Variants in EYS observed in about 807,000 individuals in gnomAD.
EYS encodes protein eyes shut homolog.
EYS carries 250 observed loss-of-function variants against 282.1 expected under a neutral mutation model. That is an observed-to-expected ratio of 0.89 (90% CI 0.80 to 0.98). EYS has a LOEUF of 0.98. Ranked by LOEUF, EYS falls within the 50% of genes least tolerant of loss-of-function variation. The probability of loss-of-function intolerance (pLI) is 0.00; values close to 1 mark genes in which losing one functional copy is unlikely to be tolerated. For synonymous variants in EYS, 1,355 were observed against 1,282.9 expected (o/e 1.06, Z -1.20); for missense variants, 4,016 against 3,709.0 (o/e 1.08, Z -2.15).
At chr6:63,760,870 G>A (rs1418962565) in intron 41 of EYS, among the ~76,000 whole-genome samples, 1 of 151,656 alleles carries the variant, frequency 6.6e-6, no homozygotes, top group East Asian at 1.9e-4. Flanking sequence ...AAATTCACTA[G>A]CCCTTACGTT....
At chr6:65,078,379 T>C (rs1774121857) in intron 12 of EYS, among the ~76,000 whole-genome samples, 1 of 152,128 alleles carries the variant, frequency 6.6e-6, no homozygotes, top group African/African-American at 2.4e-5. Context: ...AGTTCAATTG[T>C]CAATTGAGGA....
chr6:64,752,001 A>T (rs912124388), intron 22 of EYS, among the ~76,000 whole-genome samples: 3 of 152,178 alleles, frequency 2.0e-5, no homozygotes, highest in Non-Finnish European at 4.4e-5. Context: ...GAAAAAAATT[A>T]AAAATAAGAA....
chr6:65,107,211 T>G (rs930452754), intron 12 of EYS, among the ~76,000 whole-genome samples: 3 of 151,984 alleles, frequency 2.0e-5, no homozygotes, highest in Admixed American at 6.6e-5. Context: ...ATCCTTAATT[T>G]TACCTTCGTC....
At chr6:65,606,232 C>G (rs567632315) in intron 2 of EYS, among the ~76,000 whole-genome samples, 9 of 151,488 alleles carry the variant, frequency 5.9e-5, no homozygotes, top group Non-Finnish European at 7.4e-5. Flanking sequence ...TATGTTTAAC[C>G]ACTCTAAATG....
intron 26 of EYS, among the ~76,000 whole-genome samples, chr6:64,461,492 T>A (rs564863406): frequency 9.2e-5 from 14 of 152,118 alleles, no homozygotes; most frequent in Admixed American, 6.6e-4. Flanking sequence ...CTAGCAGGGG[T>A]TTATATATGG....
intron 25 of EYS, among the ~76,000 whole-genome samples, chr6:64,592,649 G>T (rs963555061): frequency 6.6e-6 from 1 of 152,072 alleles, no homozygotes; most frequent in African/African-American, 2.4e-5. Flanking sequence ...GATTTAGAAA[G>T]TTAAAGAATT....
chr6:64,346,580 A>G (rs1771407572), intron 29 of EYS, among the ~76,000 whole-genome samples: 3 of 151,840 alleles, frequency 2.0e-5, no homozygotes, highest in Admixed American at 2.0e-4. Context: ...GAGGGATAGC[A>G]TTAGGAGATA....
At chr6:63,930,764 GT>G in intron 35 of EYS, among the ~76,000 whole-genome samples, 1 of 152,226 alleles carries the variant, frequency 6.6e-6, no homozygotes, top group South Asian at 2.1e-4. Flanking sequence ...CTGCAGGAAA[GT>G]GGTGAGTGTT....
At chr6:65,507,090 T>A (rs1408018651) in intron 2 of EYS, among the ~76,000 whole-genome samples, 1 of 152,080 alleles carries the variant, frequency 6.6e-6, no homozygotes, top group Non-Finnish European at 1.5e-5. Flanking sequence ...TCTCCCTTTT[T>A]CAATATCGTT....
chr6:64,010,385 T>TGG (rs1562148450), intron 33 of EYS, among the ~76,000 whole-genome samples: 2 of 102,900 alleles, frequency 1.9e-5, no homozygotes, highest in East Asian at 3.2e-4. Flanking sequence ...GCTGTGTGTG[T>TGG]GTTTGGTTGG....
At chr6:64,678,573 G>A (rs191988975) in intron 22 of EYS, among the ~76,000 whole-genome samples, 199 of 152,042 alleles carry the variant, frequency 1.3e-3, no homozygotes, top group Middle Eastern at 3.4e-3. Flanking sequence ...GCGAGACTCC[G>A]TCTTAAAAAC....
rs556828434 is a variant in EYS, at chr6:65,022,934, A to G, written c.2138-25231T>C. Among the ~76,000 whole-genome samples the G allele has an allele frequency of 3.3e-5, 5 of 152,090 alleles. No individual in the cohort carries two copies. In the South Asian group the frequency reaches 1.0e-3, roughly 32 times the overall value. On this transcript the variant is annotated intron_variant, in intron 13 of 42. Transcript: ENST00000503581. ...CATTAATTTGAAAGAAGTCAGTCAC[A>G]AAAGACCACATATTGTACAATTCCA...
chr6:63,737,884 T>G (rs558447121), intron 41 of EYS, among the ~76,000 whole-genome samples: 46 of 150,462 alleles, frequency 3.1e-4, no homozygotes, highest in African/African-American at 1.1e-3. Flanking sequence ...CAAACAAATT[T>G]ACAAGAAAAA....
intron 31 of EYS, among the ~76,000 whole-genome samples, chr6:64,086,029 C>G (rs1355613704): frequency 6.6e-6 from 1 of 152,130 alleles, no homozygotes; most frequent in African/African-American, 2.4e-5. Flanking sequence ...GTCTTCTTAC[C>G]TACCTTTTGC....
chr6:65,154,781 G>T, intron 12 of EYS, among the ~76,000 whole-genome samples: 1 of 151,418 alleles, frequency 6.6e-6, no homozygotes, highest in East Asian at 2.0e-4. Context: ...ATGAGTCTCA[G>T]ATTTTCAGTC....
intron 4 of EYS, among the ~76,000 whole-genome samples, chr6:65,492,930 A>ATTTTTG (rs1444936128): frequency 6.6e-6 from 1 of 151,900 alleles, no homozygotes; most frequent in Non-Finnish European, 1.5e-5. Context: ...ATCTTATTTT[A>ATTTTTG]TTTTTTGAGA....
intron 30 of EYS, among the ~76,000 whole-genome samples, chr6:64,266,560 A>G (rs1443036752): frequency 6.6e-6 from 1 of 152,148 alleles, no homozygotes; most frequent in African/African-American, 2.4e-5. Context: ...AAGACCTTAT[A>G]TACCAATTTT....
intron 28 of EYS, among the ~76,000 whole-genome samples, chr6:64,418,224 TA>T (rs1365545567): frequency 1.8e-4 from 27 of 151,330 alleles, no homozygotes; most frequent in East Asian, 1.2e-3. Context: ...ACACCTTGTT[TA>T]AAAAAAAATA....
chr6:65,205,591 AGG>A (rs1766015103), intron 12 of EYS, among the ~76,000 whole-genome samples: 1 of 151,536 alleles, frequency 6.6e-6, no homozygotes, highest in Non-Finnish European at 1.5e-5. Flanking sequence ...GAACAACCAG[AGG>A]GAATACATTT....
Sources: allele counts gnomAD v4.1 joint callset (sites outside exome capture counted in the v4.1 genomes callset), GRCh38; gene constraint gnomAD v4.1.1; transcripts MANE v1.5; gene names NCBI Gene and HGNC (gene_info 2026-07-23, HGNC 2026-07-21).